The following PARVB variants were observed in gnomAD, a reference collection of about 807,000 sequenced individuals.
PARVB encodes parvin beta.
In PARVB, 46 loss-of-function variants were observed where a neutral mutation model predicts 47.0. The ratio of observed to expected loss-of-function variants is 0.98; its 90% CI spans 0.77 to 1.25. The LOEUF (loss-of-function observed/expected upper bound fraction) is 1.25. Ranked by LOEUF, PARVB falls within the 50% of genes most tolerant of loss-of-function variation. The pLI, the probability that PARVB is intolerant of heterozygous loss-of-function variation, is 0.00. For missense variants in PARVB, 473 were observed against 471.6 expected (o/e 1.00, Z -0.03); for synonymous variants, 196 against 196.3 (o/e 1.00, Z 0.01).
chr22:44,154,702 GGT>G (rs144027688), intron 10 of PARVB, among the ~76,000 whole-genome samples: 12,459 of 149,000 alleles, frequency 0.084, 767 homozygotes, highest in South Asian at 0.28. Context: ...TTGTCTGTGT[GGT>G]GTGTGTGTGT....
At chr22:44,136,645 G>T (rs938222821) in intron 7 of PARVB, 127 bp downstream of exon 7, 3 of 749,232 alleles carry the variant, frequency 4.0e-6, no homozygotes, top group African/African-American at 1.7e-5. Flanking sequence ...CTTCTCTGTA[G>T]CATGTGATTC....
intron 12 of PARVB, chr22:44,168,342 G>A (rs2054214908): frequency 4.4e-6 from 2 of 450,086 alleles, no homozygotes; most frequent in Admixed American, 3.7e-5. Flanking sequence ...AGGAGGGGCT[G>A]TGGGAGTGTC....
chr22:44,043,266 A>G (rs996995395), intron 1 of PARVB, among the ~76,000 whole-genome samples: 6 of 152,212 alleles, frequency 3.9e-5, no homozygotes, highest in African/African-American at 1.4e-4. Flanking sequence ...GTGACCCCTC[A>G]TGGGTACAGG....
intron 4 of PARVB, among the ~76,000 whole-genome samples, chr22:44,128,607 ACATGCAGGGCCCACCCAT>A (rs1303926955): frequency 6.6e-6 from 1 of 152,158 alleles, no homozygotes; most frequent in Non-Finnish European, 1.5e-5. Context: ...TTCAAGTCCT[ACATGCAGGGCCCACCCAT>A]GTGACCTCAT....
intron 3 of PARVB, 89 bp from the exon 4 acceptor site, chr22:44,118,949 T>C: frequency 4.6e-6 from 4 of 871,910 alleles, no homozygotes; most frequent in South Asian, 2.7e-5. Context: ...TGCAGAGCTG[T>C]GCAGTCTCTG....
Position 44,171,814 on chromosome 22 carries a change from GA to G in PARVB, c.*3137del, listed in dbSNP as rs375131698. The G allele has an allele frequency of 9.0e-5, 11 of 122,590 alleles. No homozygotes were observed. The East Asian group carries it at 2.5e-3, about 28-fold the overall frequency. The allele number at this position is 122,590 out of a possible 1,614,324, so 7.6% of individuals were successfully genotyped here. On this transcript the variant is annotated 3_prime_UTR_variant, in exon 13 of 13. Coordinates refer to ENST00000338758, the MANE Select transcript of PARVB (RefSeq NM_013327.5). Reference sequence around the variant, plus strand: ...AGGCGATGTTTCCAGCAAAGGATGTGATTTTTTTTTTTTTTTTTTTTGAGAT... The same window carrying G: ...AGGCGATGTTTCCAGCAAAGGATGTGTTTTTTTTTTTTTTTTTTTTGAGAT...
chr22:44,044,441 A>C (rs565233477), intron 1 of PARVB, among the ~76,000 whole-genome samples: 351 of 151,534 alleles, frequency 2.3e-3, no homozygotes, highest in African/African-American at 7.9e-3. Context: ...CCGCCCGCCT[A>C]GGCCTCCCAA....
At position 44,061,625 on chromosome 22, in the gene PARVB, CTTTTTT is replaced by C. The variant is rs553425279; in HGVS notation, c.113-32298_113-32293del. The stretch of plus-strand genomic sequence containing the variant: ...GGGGACACATCCGGCAACTCAGATT[CTTTTTT>C]TTTTGAGTGGAGTCTCACTGCGTCA... On this transcript the variant is annotated intron_variant, in intron 1 of 12. Transcript: ENST00000338758. Among the ~76,000 whole-genome samples the C allele has an allele frequency of 1.4e-3, 213 of 148,576 alleles. 1 individual carries two copies. Among genetic ancestry groups the C allele is most frequent in the African/African-American group, 5.0e-3 (205 of 40,722 alleles).
rs1569134197 is a variant in PARVB at position 44,122,512 on chromosome 22, G to GAGAGAC, written c.376+3377_376+3378insCAGAGA. 8.0e-4 allele frequency among the ~76,000 whole-genome samples: 73 copies of GAGAGAC among 91,206 alleles called. 3 individuals carry two copies. Among genetic ancestry groups the GAGAGAC allele is most frequent in the African/African-American group, 4.4e-3 (67 of 15,194 alleles). 59.8% of individuals were successfully genotyped at this position (91,206 alleles called of 152,430 possible). A position where few individuals can be genotyped will look rare whatever the true frequency, so the allele number is the denominator to read the frequency against. Reference sequence around the variant, plus strand: ...CAAGAGAGAGAGAGAGAGAGAGAGAGAGAGAGACAGAGAGACAGAGAGAGA... The same window carrying GAGAGAC: ...CAAGAGAGAGAGAGAGAGAGAGAGAGAGAGACAGAGAGACAGAGAGACAGAGAGAGA... On this transcript the variant is annotated intron_variant, in intron 4 of 12. Coordinates refer to ENST00000338758, the MANE Select transcript of PARVB (RefSeq NM_013327.5).
At chr22:44,163,259 C>T (rs560535738) in intron 11 of PARVB, among the ~76,000 whole-genome samples, 3 of 152,112 alleles carry the variant, frequency 2.0e-5, no homozygotes, top group South Asian at 4.2e-4. Flanking sequence ...CATTTGAGCC[C>T]AAGAGTTAGA....
intron 1 of PARVB, among the ~76,000 whole-genome samples, chr22:44,066,809 T>TCCTCCTCCTCCTCCTCCTTCTCCTCCC (rs1397678861): frequency 6.8e-6 from 1 of 147,414 alleles, no homozygotes; most frequent in Non-Finnish European, 1.5e-5. Flanking sequence ...CTCCTCCTCC[T>TCCTCCTCCTCCTCCTCCTTCTCCTCCC]CCTCCTCCTC....
Position 44,168,621 on chromosome 22 carries a change from C to A in PARVB, c.1038C>A (p.Leu346=). The part of the protein sequence containing the change: ...ARPEDVVNLD[L]KSTLRVLYNL... The stretch of plus-strand genomic sequence containing the variant: ...CTGCAGACGTGGTTAACTTGGACCT[C>A]AAATCCACCCTGAGGGTTCTTTACA... Residue 346 remains leucine (L), a synonymous_variant, in exon 13 of 13, where the codon CTC becomes CTA. Transcript: ENST00000338758. The A allele has an allele frequency of 6.2e-7, 1 of 1,613,070 alleles. No individual in the cohort carries two copies. The highest frequency in any genetic ancestry group is 1.1e-5 in the South Asian group (1 of 91,070).
chr22:44,160,091 A>G (rs1210870113), intron 11 of PARVB, among the ~76,000 whole-genome samples: 1 of 152,214 alleles, frequency 6.6e-6, no homozygotes, highest in Non-Finnish European at 1.5e-5. Flanking sequence ...TCTCAGAGGC[A>G]TGAGTGTGGC....
intron 1 of PARVB, among the ~76,000 whole-genome samples, chr22:44,080,709 AAG>A (rs2147002571): frequency 6.6e-6 from 1 of 152,338 alleles, no homozygotes; most frequent in East Asian, 1.9e-4. Flanking sequence ...ATGGAGTAGA[AAG>A]TACATCCTTT....
intron 8 of PARVB, chr22:44,142,652 G>A (rs12160747): frequency 6.6e-6 from 1 of 152,182 alleles, no homozygotes; most frequent in South Asian, 2.1e-4. Context: ...GGCTGGGGCA[G>A]TGGCTCCCTA....
chr22:44,132,789 G>T (rs1482687574), intron 5 of PARVB, 105 bp from the exon 6 acceptor site: 2 of 693,378 alleles, frequency 2.9e-6, no homozygotes, highest in East Asian at 2.7e-5. Context: ...TCCTTGTCTC[G>T]CTGGGGTCTC....
At position 44,065,095 on chromosome 22, in the gene PARVB, G is replaced by GC. The variant is rs1361381863; in HGVS notation, c.113-28829dup. On this transcript the variant is annotated intron_variant, in intron 1 of 12. Coordinates refer to ENST00000338758, the MANE Select transcript of PARVB (RefSeq NM_013327.5). ...GGGGCCAGCCCAGCCTGCCCCATGTGCCCCACTGAGACCCTGGAAACTTGG... is the reference window on the plus strand; with the variant it reads ...GGGGCCAGCCCAGCCTGCCCCATGTGCCCCCACTGAGACCCTGGAAACTTGG... 7.2e-5 allele frequency among the ~76,000 whole-genome samples: 11 copies of GC among 152,016 alleles called. No homozygotes were observed. The South Asian group carries it at 8.3e-4, about 11-fold the overall frequency.
chr22:44,100,813 C>G (rs1370139018), intron 3 of PARVB, among the ~76,000 whole-genome samples: 1 of 152,060 alleles, frequency 6.6e-6, no homozygotes, highest in Non-Finnish European at 1.5e-5. Context: ...GAGAGAATCC[C>G]CTGAAGAGGA....
At chr22:44,055,995 A>G (rs2051303705) in intron 1 of PARVB, among the ~76,000 whole-genome samples, 1 of 152,224 alleles carries the variant, frequency 6.6e-6, no homozygotes, top group Admixed American at 6.5e-5. Flanking sequence ...GCCAAGCACC[A>G]GGCCGCTCCC....
Sources: allele counts gnomAD v4.1 joint callset (sites outside exome capture counted in the v4.1 genomes callset), GRCh38; gene constraint gnomAD v4.1.1; transcripts MANE v1.5; gene names NCBI Gene and HGNC (gene_info 2026-07-23, HGNC 2026-07-21).